The following PDE12 variants were observed in gnomAD, a reference collection of about 807,000 sequenced individuals.
The protein encoded by PDE12 is 2',5'-phosphodiesterase 12.
In PDE12, 26 loss-of-function variants were observed where a neutral mutation model predicts 45.4. The ratio of observed to expected loss-of-function variants is 0.57; its 90% confidence interval spans 0.42 to 0.79. PDE12 has a LOEUF of 0.79. Ranked by LOEUF, PDE12 falls within the 30% of genes least tolerant of loss-of-function variation. PDE12 has a pLI of 0.00. For missense variants in PDE12, 668 were observed against 790.0 expected (o/e 0.85, Z 1.85); for synonymous variants, 283 against 323.9 (o/e 0.87, Z 1.36).
At chr3:57,568,676 C>G (rs2069808379), downstream of PDE12, among the ~76,000 whole-genome samples, 1 of 151,456 alleles carries the variant, frequency 6.6e-6, no homozygotes, top group African/African-American at 2.4e-5. Context: ...CCGCCTCAGC[C>G]TCCCAAAGTG....
At chr3:57,569,089 C>A (rs1010635137), downstream of PDE12, among the ~76,000 whole-genome samples, 1 of 152,090 alleles carries the variant, frequency 6.6e-6, no homozygotes, top group Non-Finnish European at 1.5e-5. Flanking sequence ...GCTTGACCAA[C>A]AGTAGGTTTA....
chr3:57,587,959 T>C, the PDE12 span, among the ~76,000 whole-genome samples: 1 of 152,226 alleles, frequency 6.6e-6, no homozygotes, highest in Non-Finnish European at 1.5e-5. Flanking sequence ...ATTAAACATA[T>C]ACAGTCATCA....
At chr3:57,572,453 C>T in the PDE12 span, among the ~76,000 whole-genome samples, 2 of 152,180 alleles carry the variant, frequency 1.3e-5, no homozygotes, top group African/African-American at 4.8e-5. Flanking sequence ...GGCGTGGTGG[C>T]TCACACCTAT....
chr3:57,586,543 G>A, the PDE12 span, among the ~76,000 whole-genome samples: 1 of 151,962 alleles, frequency 6.6e-6, no homozygotes, highest in Admixed American at 6.6e-5. Context: ...TTATTCCTTT[G>A]TCCTGTAAAA....
the PDE12 span, among the ~76,000 whole-genome samples, chr3:57,592,550 T>A: frequency 6.6e-6 from 1 of 152,182 alleles, no homozygotes; most frequent in Non-Finnish European, 1.5e-5. Context: ...GGCCACCAGT[T>A]ATACGGAAAA....
chr3:57,556,769 G>A lies in PDE12; in HGVS notation c.390G>A (p.Glu130=). ...TGGTGAAGCTGTACTACCGGGAAGA[G>A]GCAGTGGCTGAGGACGTGCTCAACG... ...EPVVKLYYRE[E]AVAEDVLNVD... The change falls in exon 1 of 3, where the codon GAG becomes GAA. Residue 130 remains glutamate, a synonymous_variant. Coordinates refer to ENST00000311180, the MANE Select transcript of PDE12 (RefSeq NM_177966.7). The surrounding 1 kb of genome is among the most constrained non-coding windows in gnomAD (Gnocchi z 5.0). The A allele has an allele frequency of 1.2e-6, 2 of 1,608,822 alleles. No individual in the cohort carries two copies. Among genetic ancestry groups the A allele is most frequent in the Non-Finnish European group, 1.7e-6 (2 of 1,176,168 alleles).
chr3:57,575,305 CAA>C, the PDE12 span, among the ~76,000 whole-genome samples: 218 of 134,936 alleles, frequency 1.6e-3, 1 homozygote, highest in Non-Finnish European at 2.1e-3. Flanking sequence ...CCTCTCCCTT[CAA>C]AAAAAAAAAA....
chr3:57,631,213 T>TTGAG, the PDE12 span: 1 of 472,728 alleles, frequency 2.1e-6, no homozygotes, highest in Admixed American at 3.8e-5. Context: ...TTTTTCTTTT[T>TTGAG]TGAGACAGAG....
At chr3:57,604,620 G>T in the PDE12 span, among the ~76,000 whole-genome samples, 1 of 37,094 alleles carries the variant, frequency 2.7e-5, no homozygotes, top group South Asian at 2.5e-3. Flanking sequence ...TTTTTTTTGG[G>T]GGGGGTGGGT....
At position 57,557,483 on chromosome 3, in the gene PDE12, C is replaced by G. The variant is rs1482804141; in HGVS notation, c.1104C>G (p.Phe368Leu). The G allele has an allele frequency of 1.2e-6, 2 of 1,613,972 alleles. No homozygotes were observed. The highest frequency in any genetic ancestry group is 1.1e-5 in the South Asian group (1 of 91,062). The change falls in exon 1 of 3, where the codon TTC becomes TTG. Residue 368 changes from phenylalanine (F) to leucine (L), a missense_variant. Physicochemically the swap from Phe to Leu is conservative, Grantham distance 22. Around this residue, in one of 3 missense-constraint regions of PDE12, gnomAD observed 580 missense variants for 662.9 expected, o/e 0.87. Coordinates refer to ENST00000311180, the MANE Select transcript of PDE12 (RefSeq NM_177966.7). ...GCTTGGTACCCGCCCTAGAGGCCTTCGGGCTCGAGGGGGTGTTTCGAATCA... is the reference window on the plus strand; with the variant it reads ...GCTTGGTACCCGCCCTAGAGGCCTTGGGGCTCGAGGGGGTGTTTCGAATCA... ...SDSLVPALEAFGLEGVFRIKQ... is the reference protein window; with the variant it reads ...SDSLVPALEALGLEGVFRIKQ...
the PDE12 span, among the ~76,000 whole-genome samples, chr3:57,581,677 G>C: frequency 6.6e-6 from 1 of 152,180 alleles, no homozygotes; most frequent in Non-Finnish European, 1.5e-5. Flanking sequence ...GCGCATGCCT[G>C]AAGTCCCAGC....
chr3:57,630,087 C>A, the PDE12 span, among the ~76,000 whole-genome samples: 1 of 152,184 alleles, frequency 6.6e-6, no homozygotes, highest in Non-Finnish European at 1.5e-5. Context: ...GCACATTTGG[C>A]TCTTGTGAGC....
chr3:57,593,551 C>T, the PDE12 span, among the ~76,000 whole-genome samples: 135 of 152,314 alleles, frequency 8.9e-4, no homozygotes, highest in Admixed American at 1.6e-3. Context: ...ACACTGATAT[C>T]AGCAAACTTT....
the PDE12 span, among the ~76,000 whole-genome samples, chr3:57,600,446 C>A: frequency 1.3e-5 from 2 of 149,644 alleles, no homozygotes; most frequent in Non-Finnish European, 3.0e-5. Flanking sequence ...TCCCTTCCCC[C>A]TTCTGTTCCC....
At chr3:57,568,364 A>G (rs1302948333), downstream of PDE12, among the ~76,000 whole-genome samples, 1 of 151,870 alleles carries the variant, frequency 6.6e-6, no homozygotes, top group Non-Finnish European at 1.5e-5. Context: ...CTGAGGTGGG[A>G]GGATCGCTTG....
At chr3:57,574,408 A>ATTT in the PDE12 span, among the ~76,000 whole-genome samples, 130 of 145,308 alleles carry the variant, frequency 8.9e-4, no homozygotes, top group East Asian at 1.8e-3. Context: ...AGAAGTACAA[A>ATTT]TTTTTTTTTT....
the PDE12 span, among the ~76,000 whole-genome samples, chr3:57,649,173 A>C: frequency 2.0e-5 from 3 of 152,298 alleles, no homozygotes; most frequent in African/African-American, 7.2e-5. Context: ...AAAATAAACA[A>C]TCCCATCAAA....
chr3:57,641,592 A>G, the PDE12 span: 3 of 1,384,966 alleles, frequency 2.2e-6, no homozygotes, highest in Admixed American at 7.2e-5. Context: ...AAGGATGAAA[A>G]GAAAGAAACC....
chr3:57,644,129 G>C, the PDE12 span, among the ~76,000 whole-genome samples: 2 of 144,792 alleles, frequency 1.4e-5, no homozygotes, highest in Non-Finnish European at 3.0e-5. Context: ...CCTCCTGGAT[G>C]ACAGTGCCAG....
Sources: gnomAD v4.1 joint callset for allele counts (sites outside exome capture counted in the v4.1 genomes callset) on GRCh38, gnomAD v4.1.1 for gene constraint, gnomAD v4.1.1 regional missense constraint, Gnocchi (gnomAD v3.1) non-coding constraint, MANE v1.5 for transcripts, NCBI Gene and HGNC (gene_info 2026-07-23, HGNC 2026-07-21) for gene names.